Variants in CDKN3 observed in about 807,000 individuals in gnomAD.
CDKN3 encodes the protein cyclin-dependent kinase inhibitor 3.
Under a neutral mutation model 36.1 loss-of-function variants are expected in CDKN3, and 19 were observed. The ratio of observed to expected loss-of-function variants is 0.53; its 90% CI spans 0.37 to 0.77. The LOEUF (loss-of-function observed/expected upper bound fraction) is 0.77. Ranked by LOEUF, CDKN3 falls within the 30% of genes least tolerant of loss-of-function variation. The pLI is 0.00. For missense variants in CDKN3, 188 were observed against 248.6 expected (o/e 0.76, Z 1.64); for synonymous variants, 71 against 85.3 (o/e 0.83, Z 0.92).
intron 7 of CDKN3, 186 bp downstream of exon 7, chr14:54,418,137 A>T (rs774734270): frequency 2.8e-5 from 20 of 707,796 alleles, no homozygotes; most frequent in Middle Eastern, 4.6e-4. Flanking sequence ...AGTAAATATA[A>T]TCCAGGTAGT....
intron 2 of CDKN3, among the ~76,000 whole-genome samples, chr14:54,401,076 C>T (rs913428601): frequency 5.9e-5 from 9 of 152,034 alleles, no homozygotes; most frequent in Non-Finnish European, 1.2e-4. Flanking sequence ...ATAAGTACAC[C>T]GTATACTACC....
At chr14:54,411,806 GTTGT>G in intron 5 of CDKN3, 100 bp downstream of exon 5, 1 of 792,984 alleles carries the variant, frequency 1.3e-6, no homozygotes, top group Non-Finnish European at 2.2e-6. Flanking sequence ...TTCATAGTTT[GTTGT>G]AAGGATTAAA....
At chr14:54,417,820 A>G (rs373765207) in intron 6 of CDKN3, 28 bp from the exon 7 acceptor site, 10 of 1,252,432 alleles carry the variant, frequency 8.0e-6, no homozygotes, top group African/African-American at 7.4e-5. Flanking sequence ...ATTTAATAAC[A>G]TATTATTTTT....
At position 54,397,041 on chromosome 14, in the gene CDKN3, C is replaced by T. The variant is rs558304266; in HGVS notation, c.-28C>T. ...TCGCCGGCGCTGCAGAGGGAGGCGG[C>T]ACTGGTCTCGACGTGGGGCGGCCAG... On this transcript the variant is annotated 5_prime_UTR_variant, in exon 1 of 8. Coordinates refer to ENST00000335183, the MANE Select transcript of CDKN3 (RefSeq NM_005192.4). 7 of 1,489,366 alleles carry T rather than the reference C, an allele frequency of 4.7e-6. No individual in the cohort carries two copies. Among genetic ancestry groups the T allele is most frequent in the East Asian group, 2.8e-5 (1 of 36,022 alleles). 92.3% of individuals were successfully genotyped at this position (1,489,366 alleles called of 1,614,324 possible). A position where few individuals can be genotyped will look rare whatever the true frequency, so the allele number is the denominator to read the frequency against.
At chr14:54,403,717 A>G (rs2030045091) in intron 3 of CDKN3, among the ~76,000 whole-genome samples, 1 of 152,186 alleles carries the variant, frequency 6.6e-6, no homozygotes, top group African/African-American at 2.4e-5. Context: ...ACGTTCCATC[A>G]ATACCTAGTT....
intron 3 of CDKN3, 83 bp downstream of exon 3, chr14:54,401,662 G>A: frequency 1.0e-6 from 1 of 985,216 alleles, no homozygotes; most frequent in Non-Finnish European, 1.5e-6. Context: ...TGGGGGGACA[G>A]GTGGTGTTTG....
chr14:54,408,711 C>CT, intron 3 of CDKN3, 34 bp from the exon 4 acceptor site: 1 of 1,558,582 alleles, frequency 6.4e-7, no homozygotes, highest in Non-Finnish European at 8.6e-7. Flanking sequence ...TGACGAAAAA[C>CT]TGACTTTTTT....
intron 1 of CDKN3, among the ~76,000 whole-genome samples, chr14:54,398,986 C>CTTTT (rs1566702725): frequency 1.1e-4 from 8 of 74,180 alleles, no homozygotes; most frequent in African/African-American, 2.3e-4. Context: ...TTTTCTTCTT[C>CTTTT]CTTTTTTTTT....
At chr14:54,407,085 T>G (rs969806679) in intron 3 of CDKN3, among the ~76,000 whole-genome samples, 3 of 152,220 alleles carry the variant, frequency 2.0e-5, no homozygotes, top group Non-Finnish European at 4.4e-5. Context: ...TAGTTTTCCT[T>G]GTAACAGTCA....
rs2030680339 is a variant in CDKN3 at position 54,420,184 on chromosome 14, C to T, written c.*106C>T. 1 of 617,358 alleles carries T rather than the reference C, an allele frequency of 1.6e-6. No homozygotes were observed. The highest frequency in any genetic ancestry group is 1.9e-5 in the African/African-American group (1 of 53,668). 38.2% of individuals were successfully genotyped at this position (617,358 alleles called of 1,614,324 possible). On this transcript the variant is annotated 3_prime_UTR_variant, in exon 8 of 8. Coordinates refer to ENST00000335183, the MANE Select transcript of CDKN3 (RefSeq NM_005192.4). ...TGTTATCAACTTGAATGTAAATGTA[C>T]ATGTGCAGATATTCCTAAAGTTTTA...
intron 1 of CDKN3, 63 bp downstream of exon 1, chr14:54,397,140 C>T: frequency 7.0e-7 from 1 of 1,420,002 alleles, no homozygotes; most frequent in Non-Finnish European, 9.2e-7. Flanking sequence ...GTCCCGGGGA[C>T]CCGATCCTGG....
chr14:54,409,650 A>G (rs924906755), intron 4 of CDKN3, among the ~76,000 whole-genome samples: 1 of 152,006 alleles, frequency 6.6e-6, no homozygotes, highest in African/African-American at 2.4e-5. Flanking sequence ...CTGGGCAACA[A>G]GGCAAAACCC....
At chr14:54,411,936 T>A (rs1052172201) in intron 5 of CDKN3, 2 of 579,276 alleles carry the variant, frequency 3.5e-6, no homozygotes, top group Admixed American at 3.1e-5. Context: ...ATTTGGAAAT[T>A]GTTAGAACAA....
At chr14:54,397,657 G>A (rs1424786100) in intron 1 of CDKN3, among the ~76,000 whole-genome samples, 1 of 152,214 alleles carries the variant, frequency 6.6e-6, no homozygotes, top group Non-Finnish European at 1.5e-5. Flanking sequence ...TGGTGAATGG[G>A]CCACACAAAT....
At chr14:54,409,369 T>G (rs1193789558) in intron 4 of CDKN3, among the ~76,000 whole-genome samples, 2 of 152,202 alleles carry the variant, frequency 1.3e-5, no homozygotes, top group Non-Finnish European at 2.9e-5. Flanking sequence ...TTTCAAAAGA[T>G]TTTATTCTGA....
chr14:54,418,404 A>G, intron 7 of CDKN3: 1 of 625,962 alleles, frequency 1.6e-6, no homozygotes, highest in Non-Finnish European at 2.8e-6. Flanking sequence ...ACTATAATAC[A>G]AAAAATGGAA....
intron 5 of CDKN3, chr14:54,413,856 G>T (rs1479264528): frequency 2.2e-6 from 3 of 1,362,272 alleles, no homozygotes; most frequent in Non-Finnish European, 2.8e-6. Flanking sequence ...TTGTAACAAA[G>T]TACCACAAAC....
In CDKN3 at chr14:54,399,895, C is replaced by T; in HGVS notation, c.11C>T (p.Pro4Leu). 6.5e-7 allele frequency: 1 copy of T among 1,544,458 alleles called. No individual in the cohort carries two copies. Among genetic ancestry groups the T allele is most frequent in the Non-Finnish European group, 8.9e-7 (1 of 1,117,714 alleles). Residue 4 changes from proline to leucine, a missense_variant and splice_region_variant, in exon 2 of 8, where the codon CCC (proline) becomes CTC (leucine). By Grantham distance (98) the Pro-to-Leu change is moderately conservative. Transcript: ENST00000335183. The part of the protein sequence containing the change: MKP[P>L]SSIQTSEFDS... Reference sequence around the variant, plus strand: ...TTTAACATAACATTTCTTTTGAAGCCCAGTTCAATACAAACAAGTGAGTTT... The same window carrying T: ...TTTAACATAACATTTCTTTTGAAGCTCAGTTCAATACAAACAAGTGAGTTT...
chr14:54,401,222 C>A lies in CDKN3; in HGVS notation c.93-302C>A, dbSNP rs572406821. ...TGAACTCCTGGACTCAAACAGCCTG[C>A]CTGCCTTGGCCTCTCTAAGTGCTGG... is the stretch of plus-strand genomic sequence containing the variant. On this transcript the variant is annotated intron_variant, in intron 2 of 7. Transcript: ENST00000335183. Among the ~76,000 whole-genome samples, 3 of 151,378 alleles carry A rather than the reference C, an allele frequency of 2.0e-5. No homozygotes were observed. The East Asian group carries it at 5.8e-4, about 29-fold the overall frequency.
Sources: allele counts gnomAD v4.1 joint callset (sites outside exome capture counted in the v4.1 genomes callset), GRCh38; gene constraint gnomAD v4.1.1; transcripts MANE v1.5; gene names NCBI Gene and HGNC (gene_info 2026-07-23, HGNC 2026-07-21).